PLEKHA1: variants seen among roughly 807,000 people sequenced by gnomAD.
The protein encoded by PLEKHA1 is pleckstrin homology domain-containing family A member 1.
A neutral mutation model predicts 52.0 loss-of-function variants in PLEKHA1; 34 were observed. The ratio of observed to expected loss-of-function variants is 0.65; its 90% CI spans 0.50 to 0.87. The LOEUF is 0.87. Among genes scored for constraint, PLEKHA1 ranks in the 40% least tolerant of loss-of-function variants. The pLI is 0.00. For missense variants in PLEKHA1, 497 were observed against 504.2 expected, an observed-to-expected ratio of 0.99 and a Z score of 0.14; for synonymous variants, 163 against 170.7, an observed-to-expected ratio of 0.95 and a Z score of 0.35.
chr10:122,408,835 A>G (rs1272809256), intron 5 of PLEKHA1, among the ~76,000 whole-genome samples: 8 of 152,186 alleles, frequency 5.3e-5, no homozygotes, highest in Non-Finnish European at 4.4e-5. Flanking sequence ...AGATTATTTG[A>G]AAACTTAAAA....
rs2097406204 is a variant in PLEKHA1, at chr10:122,430,376, T to C, written c.*438T>C. 1 of 156,554 alleles carries C rather than the reference T, an allele frequency of 6.4e-6. No individual in the cohort carries two copies. The highest frequency in any genetic ancestry group is 1.4e-5 in the Non-Finnish European group (1 of 70,782). The allele number at this position is 156,554 out of a possible 1,614,324, so 9.7% of individuals were successfully genotyped here. ...TATTGGTTGATATTACCACATGAAA[T>C]ATTGCCAGACCAAGATACCTAAACT... On this transcript the variant is annotated 3_prime_UTR_variant, in exon 12 of 12. Coordinates refer to ENST00000368990, the MANE Select transcript of PLEKHA1 (RefSeq NM_001001974.4).
chr10:122,420,605 C>T (rs573451784), intron 8 of PLEKHA1: 1 of 152,300 alleles, frequency 6.6e-6, no homozygotes, highest in African/African-American at 2.4e-5. Flanking sequence ...CTTAAGTGCA[C>T]AGCCGAAAAA....
chr10:122,429,671 CA>C lies in PLEKHA1; in HGVS notation c.950del (p.Asn317ThrfsTer54). Reference sequence around the variant, plus strand: ...AATCCAAACACGCTTTCCGTCCTACCAACGCAGCCACCGCCACCTCACATTC... The same window carrying C: ...AATCCAAACACGCTTTCCGTCCTACCACGCAGCCACCGCCACCTCACATTC... ...SESKHAFRPT[N>X]AATATSHSTA... On this transcript the variant is annotated frameshift_variant, in exon 12 of 12. Coordinates refer to ENST00000368990, the MANE Select transcript of PLEKHA1 (RefSeq NM_001001974.4). LOFTEE classifies it high-confidence loss of function. 6.2e-7 allele frequency: 1 copy of C among 1,614,050 alleles called. No homozygotes were observed. Among genetic ancestry groups the C allele is most frequent in the Non-Finnish European group, 8.5e-7 (1 of 1,180,014 alleles).
At chr10:122,403,004 T>G (rs745972712) in intron 4 of PLEKHA1, among the ~76,000 whole-genome samples, 11 of 152,158 alleles carry the variant, frequency 7.2e-5, no homozygotes, top group Non-Finnish European at 1.5e-4. Flanking sequence ...AGTTGACTAG[T>G]AAGGTCCACA....
intron 8 of PLEKHA1, chr10:122,423,159 C>G (rs886868278): frequency 1.4e-5 from 2 of 147,124 alleles, no homozygotes; most frequent in Non-Finnish European, 3.0e-5. Context: ...CGTGGTGGCT[C>G]ACGCCTGTAA....
intron 7 of PLEKHA1, among the ~76,000 whole-genome samples, chr10:122,416,234 C>G (rs2097172690): frequency 6.6e-6 from 1 of 152,182 alleles, no homozygotes; most frequent in South Asian, 2.1e-4. Context: ...CACTGACTTT[C>G]AGTTTAAATG....
chr10:122,424,175 T>G (rs45519541), intron 8 of PLEKHA1, 24 bp from the exon 9 acceptor site: 63 of 969,566 alleles, frequency 6.5e-5, no homozygotes, highest in Middle Eastern at 3.5e-4. Flanking sequence ...GTAACTGTTT[T>G]TTTTTTTTTT....
the PLEKHA1 span, chr10:122,437,559 G>C: frequency 6.6e-6 from 1 of 152,244 alleles, no homozygotes; most frequent in Non-Finnish European, 1.5e-5. Flanking sequence ...TCTTTAGAGA[G>C]AATGAAGATG....
chr10:122,399,931 A>G (rs1293832164), intron 3 of PLEKHA1, among the ~76,000 whole-genome samples: 3 of 152,076 alleles, frequency 2.0e-5, no homozygotes, highest in Non-Finnish European at 4.4e-5. Flanking sequence ...ACCCAGCCCC[A>G]TTTTTGCTTA....
chr10:122,415,815 C>T (rs1002986376), intron 6 of PLEKHA1, 44 bp from the exon 7 acceptor site: 16 of 1,543,364 alleles, frequency 1.0e-5, no homozygotes, highest in Non-Finnish European at 1.4e-5. Flanking sequence ...TAAAAGTATG[C>T]TAAACAAGCA....
In PLEKHA1 at chr10:122,431,093, C is replaced by A. The variant is rs2097411943; in HGVS notation, c.*1155C>A. The A allele has an allele frequency of 6.6e-6, 1 of 151,644 alleles. No individual in the cohort carries two copies. Among genetic ancestry groups the A allele is most frequent in the South Asian group, 2.1e-4 (1 of 4,792 alleles). The allele number at this position is 151,644 out of a possible 1,614,324, so 9.4% of individuals were successfully genotyped here. On this transcript the variant is annotated 3_prime_UTR_variant, in exon 12 of 12. Coordinates refer to ENST00000368990, the MANE Select transcript of PLEKHA1 (RefSeq NM_001001974.4). Reference sequence around the variant, plus strand: ...TCTCTAAAGAATCTTTAGTTTCCGACGTTGAATTATAGACCAGTTTGAGTA... The same window carrying A: ...TCTCTAAAGAATCTTTAGTTTCCGAAGTTGAATTATAGACCAGTTTGAGTA...
At chr10:122,377,609 T>C (rs2096555598) in intron 1 of PLEKHA1, among the ~76,000 whole-genome samples, 1 of 152,224 alleles carries the variant, frequency 6.6e-6, no homozygotes, top group South Asian at 2.1e-4. Context: ...TAATTATTTT[T>C]AGAAACATAA....
downstream of PLEKHA1, chr10:122,434,814 C>T (rs947790259): frequency 5.0e-5 from 7 of 138,922 alleles, no homozygotes; most frequent in African/African-American, 8.1e-5. Context: ...TGAGAACATG[C>T]GGTGTTTGGT....
At chr10:122,395,263 C>G (rs1281515575) in intron 2 of PLEKHA1, among the ~76,000 whole-genome samples, 1 of 152,100 alleles carries the variant, frequency 6.6e-6, no homozygotes, top group Non-Finnish European at 1.5e-5. Context: ...CTTTTCTGGA[C>G]ACAGTGCCAG....
rs36012040 is a variant in PLEKHA1 at position 122,431,126 on chromosome 10, C to CT, written c.*1199dup. 0.47 allele frequency: 70,031 copies of CT among 148,718 alleles called. 16,827 individuals carry two copies. Among genetic ancestry groups the CT allele is most frequent in the East Asian group, 0.62 (3,170 of 5,074 alleles). The allele number at this position is 148,718 out of a possible 1,614,324, so 9.2% of individuals were successfully genotyped here. On this transcript the variant is annotated 3_prime_UTR_variant, in exon 12 of 12. Coordinates refer to ENST00000368990, the MANE Select transcript of PLEKHA1 (RefSeq NM_001001974.4). Reference sequence around the variant, plus strand: ...TATAGACCAGTTTGAGTAAGTACTGCTTTTTTTTTTTGGAGACGGGCTCTC... The same window carrying CT: ...TATAGACCAGTTTGAGTAAGTACTGCTTTTTTTTTTTTGGAGACGGGCTCTC...
intron 6 of PLEKHA1, among the ~76,000 whole-genome samples, chr10:122,414,153 C>T (rs1489148457): frequency 6.6e-6 from 1 of 152,070 alleles, no homozygotes; most frequent in African/African-American, 2.4e-5. Context: ...TGTTAACCTT[C>T]TGGTTACTAT....
chr10:122,406,615 A>G lies in PLEKHA1; in HGVS notation c.284A>G (p.Asn95Ser), dbSNP rs138054087. ...AGMRKYFLQA[N>S]DQQDLVEWVN... ...ATGAGGAAGTACTTCCTACAAGCCA[A>G]TGATCAGCAGGACCTAGTGGAATGG... is the stretch of plus-strand genomic sequence containing the variant. Residue 95 changes from asparagine (N) to serine (S), a missense_variant, in exon 5 of 12, where the codon AAT (asparagine) becomes AGT (serine). Transcript: ENST00000368990. 6.3e-5 allele frequency: 102 copies of G among 1,613,422 alleles called. No homozygotes were observed. The highest frequency in any genetic ancestry group is 3.3e-4 in the Middle Eastern group (2 of 6,056).
intron 5 of PLEKHA1, among the ~76,000 whole-genome samples, chr10:122,407,621 C>A (rs1009943421): frequency 6.6e-6 from 1 of 152,192 alleles, no homozygotes; most frequent in Non-Finnish European, 1.5e-5. Context: ...ATGAGCAGCA[C>A]GTAGATAGGC....
the PLEKHA1 span, chr10:122,438,010 G>GT: frequency 6.6e-6 from 1 of 152,180 alleles, no homozygotes; most frequent in Non-Finnish European, 1.5e-5. Flanking sequence ...TGTAATCCCA[G>GT]TTTTGGAGGT....
Sources: gnomAD v4.1 joint callset for allele counts (sites outside exome capture counted in the v4.1 genomes callset) on GRCh38, gnomAD v4.1.1 for gene constraint, MANE v1.5 for transcripts, NCBI Gene and HGNC (gene_info 2026-07-23, HGNC 2026-07-21) for gene names.